FOXRED2: variants seen among roughly 807,000 people sequenced by gnomAD.
The protein encoded by FOXRED2 is FAD dependent oxidoreductase domain containing 2.
Under a neutral mutation model 52.5 loss-of-function variants are expected in FOXRED2, and 32 were observed. The ratio of observed to expected loss-of-function variants is 0.61; its 90% CI spans 0.46 to 0.82. FOXRED2 has a LOEUF of 0.82. Ranked by LOEUF, FOXRED2 falls within the 40% of genes least tolerant of loss-of-function variation. The probability of loss-of-function intolerance (pLI) is 0.00; values close to 1 mark genes in which losing one functional copy is unlikely to be tolerated. For missense variants in FOXRED2, 848 were observed against 937.5 expected (o/e 0.90, Z 1.25); for synonymous variants, 405 against 398.1 (o/e 1.02, Z -0.21).
chr22:36,503,212 C>T (rs1236406226), intron 4 of FOXRED2, among the ~76,000 whole-genome samples: 1 of 151,816 alleles, frequency 6.6e-6, no homozygotes, highest in East Asian at 1.9e-4. Flanking sequence ...TAGTCTTGAA[C>T]TCCTGAGCTG....
At chr22:36,493,458 C>T (rs1364579312) in intron 8 of FOXRED2, among the ~76,000 whole-genome samples, 175 bp downstream of exon 8, 2 of 150,478 alleles carry the variant, frequency 1.3e-5, no homozygotes, top group East Asian at 3.9e-4. Context: ...AAAAAGAAGA[C>T]ATATTATCCA....
rs1933877331 is a variant in FOXRED2 at position 36,495,708 on chromosome 22, G to A, written c.1624+259C>T. Among the ~76,000 whole-genome samples, 3 of 152,354 alleles carry A rather than the reference G, an allele frequency of 2.0e-5. No individual in the cohort carries two copies. The South Asian group carries it at 6.2e-4, about 32-fold the overall frequency. On this transcript the variant is annotated intron_variant, in intron 7 of 8. Coordinates refer to ENST00000397224, the MANE Select transcript of FOXRED2 (RefSeq NM_001102371.2). ...GCCTCTGGAGACCTGCAGCAGGGCC[G>A]TGTCCCTCTTACTACACAGTGCCTG...
At position 36,498,852 on chromosome 22, in the gene FOXRED2, G is replaced by A. The variant is rs201500793; in HGVS notation, c.1217-696C>T. ...CAGAATTGAGTCCAATCCTTTGCCC[G>A]TACTGTAAGACCCCTCTGCAGTGGT... On this transcript the variant is annotated intron_variant, in intron 5 of 8. Coordinates refer to ENST00000397224, the MANE Select transcript of FOXRED2 (RefSeq NM_001102371.2). 9.9e-5 allele frequency among the ~76,000 whole-genome samples: 15 copies of A among 151,202 alleles called. No homozygotes were observed. The East Asian group carries it at 2.3e-3, about 24-fold the overall frequency.
At chr22:36,506,549 G>T in intron 1 of FOXRED2, 126 bp from the exon 2 acceptor site, 3 of 941,742 alleles carry the variant, frequency 3.2e-6, no homozygotes, top group Non-Finnish European at 4.5e-6. Context: ...CCCAGAAGCC[G>T]TCCTCAGAGC....
At chr22:36,498,297 G>A (rs1250889600) in intron 5 of FOXRED2, 141 bp from the exon 6 acceptor site, 3 of 891,708 alleles carry the variant, frequency 3.4e-6, no homozygotes, top group African/African-American at 1.7e-5. Flanking sequence ...CCTAGGTGGT[G>A]AACACATGAG....
intron 2 of FOXRED2, among the ~76,000 whole-genome samples, chr22:36,505,083 T>C (rs577874776): frequency 4.1e-4 from 63 of 152,314 alleles, no homozygotes; most frequent in African/African-American, 1.4e-3. Flanking sequence ...ACTTTGCACA[T>C]AGCAGTCAGA....
At position 36,504,190 on chromosome 22, in the gene FOXRED2, G is replaced by C; in HGVS notation, c.957C>G (p.Pro319=). Residue 319 remains proline (P), a synonymous_variant, in exon 4 of 9, where the codon CCC becomes CCG. Coordinates refer to ENST00000397224, the MANE Select transcript of FOXRED2 (RefSeq NM_001102371.2). ...TNQSADSITL[P]QDDNDNFAMR... is the part of the protein sequence containing the mutation. ...TGGCAAAGTTGTCATTGTCGTCCTG[G>C]GGGAGGGTGATGGAGTCGGCACTCT... is the stretch of plus-strand genomic sequence containing the variant. The C allele has an allele frequency of 3.1e-6, 5 of 1,614,252 alleles. No homozygotes were observed. The highest frequency in any genetic ancestry group is 4.2e-6 in the Non-Finnish European group (5 of 1,180,048).
chr22:36,504,315 G>T lies in FOXRED2; in HGVS notation c.832C>A (p.Leu278Met). Reference protein sequence around the residue: ...DTYQLKSLDGLLESDLTDLAI... With the variant: ...DTYQLKSLDGMLESDLTDLAI... ...AGATCCGTCAGGTCAGACTCGAGCA[G>T]CCCGTCCAGGGACTTGAGCTGGTAG... Residue 278 changes from leucine (L) to methionine (M), a missense_variant, in exon 4 of 9, where the codon CTG becomes ATG. Physicochemically the swap from Leu to Met is conservative, Grantham distance 15. Transcript: ENST00000397224. The T allele has an allele frequency of 6.2e-7, 1 of 1,614,190 alleles. No individual in the cohort carries two copies. The highest frequency in any genetic ancestry group is 8.5e-7 in the Non-Finnish European group (1 of 1,180,044).
At chr22:36,505,560 G>A (rs370138792) in intron 2 of FOXRED2, among the ~76,000 whole-genome samples, 40 of 152,210 alleles carry the variant, frequency 2.6e-4, no homozygotes, top group African/African-American at 8.7e-4. Context: ...CCTGAGGTCA[G>A]GAGTTCGAGA....
At chr22:36,502,117 C>T (rs1371535901) in intron 4 of FOXRED2, among the ~76,000 whole-genome samples, 1 of 151,892 alleles carries the variant, frequency 6.6e-6, no homozygotes, top group Non-Finnish European at 1.5e-5. Flanking sequence ...TGCAGTGAGC[C>T]GAGATTATGC....
At chr22:36,493,523 G>A in intron 8 of FOXRED2, 110 bp downstream of exon 8, 2 of 834,194 alleles carry the variant, frequency 2.4e-6, no homozygotes, top group Non-Finnish European at 3.8e-6. Flanking sequence ...ACAGTAGTCT[G>A]GGGTTTGGAT....
At chr22:36,493,495 C>G (rs913360875) in intron 8 of FOXRED2, 138 bp downstream of exon 8, 1 of 629,026 alleles carries the variant, frequency 1.6e-6, no homozygotes, top group Non-Finnish European at 2.7e-6. Flanking sequence ...TGTAATTTAA[C>G]CCACGGCATT....
chr22:36,497,983 C>A lies in FOXRED2; in HGVS notation c.1382+8G>T. On this transcript the variant is annotated splice_region_variant and intron_variant, in intron 6 of 8. Transcript: ENST00000397224. Reference sequence around the variant, plus strand: ...CCGAGGGGAGTAGGGTGGGGACGGGCTACTCACTCCTTCAACAGGATGACA... The same window carrying A: ...CCGAGGGGAGTAGGGTGGGGACGGGATACTCACTCCTTCAACAGGATGACA... 1 of 1,612,282 alleles carries A rather than the reference C, an allele frequency of 6.2e-7. No individual in the cohort carries two copies. Among genetic ancestry groups the A allele is most frequent in the African/African-American group, 1.3e-5 (1 of 74,998 alleles).
intron 6 of FOXRED2, among the ~76,000 whole-genome samples, chr22:36,497,441 C>T (rs1368350279): frequency 2.0e-5 from 3 of 152,202 alleles, no homozygotes; most frequent in East Asian, 1.9e-4. Context: ...TGCTATAGCA[C>T]GCCCTGCCTT....
Position 36,498,303 on chromosome 22 carries a change from A to G in FOXRED2, c.1217-147T>C, listed in dbSNP as rs114254063. ...GCGCAAACGCCTAGGTGGTGAACAC[A>G]TGAGGGGAGGAGATGGCAGCTGCCT... is the stretch of plus-strand genomic sequence containing the variant. On this transcript the variant is annotated intron_variant, in intron 5 of 8. Transcript: ENST00000397224. The G allele has an allele frequency of 9.7e-4, 814 of 842,178 alleles. 3 individuals are homozygous for G. In the African/African-American group the frequency reaches 0.013, roughly 13 times the overall value. The allele number at this position is 842,178 out of a possible 1,614,324, so 52.2% of individuals were successfully genotyped here. A position where few individuals can be genotyped will look rare whatever the true frequency, so the allele number is the denominator to read the frequency against.
At position 36,506,335 on chromosome 22, in the gene FOXRED2, G is replaced by A. The variant is rs1386074408; in HGVS notation, c.88C>T (p.Arg30Cys). 1 of 1,498,838 alleles carries A rather than the reference G, an allele frequency of 6.7e-7. No individual in the cohort carries two copies. The highest frequency in any genetic ancestry group is 2.1e-5 in the Admixed American group (1 of 47,324). The allele number at this position is 1,498,838 out of a possible 1,614,324, so 92.8% of individuals were successfully genotyped here. Residue 30 changes from arginine to cysteine, a missense_variant, in exon 2 of 9, where the codon CGC (arginine) becomes TGC (cysteine). By Grantham distance (180) the Arg-to-Cys change is radical. Transcript: ENST00000397224. ...GCGCCCAGCACGCAGTAGTCCCGGC[G>A]CGGGGGCACCGACAGCGCTGGGTGC... is the stretch of plus-strand genomic sequence containing the variant. ...ALHPALSVPP[R>C]RDYCVLGAGP... is the part of the protein sequence containing the mutation.
rs1933711222 is a variant in FOXRED2 at position 36,490,083 on chromosome 22, G to A, written c.1980C>T (p.Asp660=). The A allele has an allele frequency of 6.2e-7, 1 of 1,613,582 alleles. No individual in the cohort carries two copies. The highest frequency in any genetic ancestry group is 8.5e-7 in the Non-Finnish European group (1 of 1,179,690). ...CCAGGGGGGAACCTAGTGGCTCTTG[G>A]TCGCCAAGCTGCTGGCTGCTGTCCT... ...RLEDSSQQLG[D]QEPLGSPLAP... The change falls in exon 9 of 9, where the codon GAC becomes GAT. Residue 660 remains aspartate (D), a synonymous_variant. Coordinates refer to ENST00000397224, the MANE Select transcript of FOXRED2 (RefSeq NM_001102371.2).
At chr22:36,502,766 C>T (rs955714303) in intron 4 of FOXRED2, among the ~76,000 whole-genome samples, 3 of 152,294 alleles carry the variant, frequency 2.0e-5, no homozygotes, top group African/African-American at 7.2e-5. Flanking sequence ...GATCTCGGCT[C>T]ACTGCAACCT....
chr22:36,496,381 G>A (rs147562657), intron 6 of FOXRED2, among the ~76,000 whole-genome samples, 173 bp from the exon 7 acceptor site: 256 of 152,318 alleles, frequency 1.7e-3, no homozygotes, highest in Middle Eastern at 6.8e-3. Context: ...ACGCACATGT[G>A]GGGTAGAGAC....
Sources: allele counts gnomAD v4.1 joint callset (sites outside exome capture counted in the v4.1 genomes callset), GRCh38; gene constraint gnomAD v4.1.1; transcripts MANE v1.5; gene names NCBI Gene and HGNC (gene_info 2026-07-23, HGNC 2026-07-21).